Variants in ITGA1 observed in about 807,000 individuals in gnomAD.
ITGA1 encodes integrin alpha-1.
ITGA1 carries 85 observed loss-of-function variants against 145.9 expected under a neutral mutation model. That is an observed-to-expected ratio of 0.58 (90% CI 0.49 to 0.70). The LOEUF is 0.70. Ranked by LOEUF, ITGA1 falls within the 30% of genes least tolerant of loss-of-function variation. ITGA1 has a pLI of 0.00. For missense variants in ITGA1, 1,351 were observed against 1,418.7 expected (o/e 0.95, Z 0.77); for synonymous variants, 520 against 495.3 (o/e 1.05, Z -0.66).
At chr5:52,874,495 G>T (rs551671248) in intron 6 of ITGA1, among the ~76,000 whole-genome samples, 1 of 152,064 alleles carries the variant, frequency 6.6e-6, no homozygotes, top group South Asian at 2.1e-4. Flanking sequence ...TAAGATAGTT[G>T]TTAAAATCTT....
chr5:52,910,963 A>G (rs554556709), intron 14 of ITGA1, among the ~76,000 whole-genome samples: 4 of 131,398 alleles, frequency 3.0e-5, no homozygotes, highest in African/African-American at 5.7e-5. Context: ...TATATACACT[A>G]TATATACTAT....
At chr5:52,795,048 T>C (rs1748314603) in intron 1 of ITGA1, among the ~76,000 whole-genome samples, 2 of 152,056 alleles carry the variant, frequency 1.3e-5, no homozygotes, top group South Asian at 4.1e-4. Flanking sequence ...ACCTTCTTTT[T>C]AAGTTTTTAG....
At chr5:52,814,740 G>C (rs577977140) in intron 1 of ITGA1, among the ~76,000 whole-genome samples, 2 of 151,798 alleles carry the variant, frequency 1.3e-5, no homozygotes, top group African/African-American at 4.8e-5. Flanking sequence ...AAAAAAAAAG[G>C]GGGGGAAAGA....
At chr5:52,915,999 C>A (rs1460862441) in intron 15 of ITGA1, among the ~76,000 whole-genome samples, 1 of 152,168 alleles carries the variant, frequency 6.6e-6, no homozygotes, top group African/African-American at 2.4e-5. Flanking sequence ...GCGTAGCACT[C>A]TCTGACTCTG....
At chr5:52,901,086 T>C (rs992264985) in intron 11 of ITGA1, among the ~76,000 whole-genome samples, 19 of 152,182 alleles carry the variant, frequency 1.2e-4, no homozygotes, top group African/African-American at 4.6e-4. Flanking sequence ...TATCCTCAGA[T>C]ATCTGGCTGG....
intron 6 of ITGA1, among the ~76,000 whole-genome samples, chr5:52,869,126 T>A (rs1749735992): frequency 6.6e-6 from 1 of 152,200 alleles, no homozygotes; most frequent in South Asian, 2.1e-4. Flanking sequence ...GCTATAAGCC[T>A]GCATTATATA....
chr5:52,857,959 C>A (rs1416935642), intron 2 of ITGA1, among the ~76,000 whole-genome samples: 2 of 152,150 alleles, frequency 1.3e-5, no homozygotes, highest in South Asian at 2.1e-4. Context: ...AAAAAACTTA[C>A]CTGAACCAAA....
chr5:52,808,676 C>CTTTTTTTTTTTTTTTTTTTTTT (rs60113844), intron 1 of ITGA1, among the ~76,000 whole-genome samples: 12 of 69,334 alleles, frequency 1.7e-4, no homozygotes, highest in South Asian at 5.4e-4. Flanking sequence ...TTCTTTCTTT[C>CTTTTTTTTTTTTTTTTTTTTTT]TTTTTTTTTT....
At chr5:52,944,126 A>T (rs1180326189) in intron 26 of ITGA1, among the ~76,000 whole-genome samples, 1 of 151,976 alleles carries the variant, frequency 6.6e-6, no homozygotes, top group Non-Finnish European at 1.5e-5. Context: ...TCTGAAGGAG[A>T]TGGGGAGTCC....
intron 6 of ITGA1, among the ~76,000 whole-genome samples, chr5:52,880,922 A>C (rs745314276): frequency 1.3e-5 from 2 of 152,198 alleles, no homozygotes; most frequent in Non-Finnish European, 2.9e-5. Flanking sequence ...TGTAGGAGAG[A>C]TAGCCATTAC....
chr5:52,926,473 A>G (rs2447873), intron 19 of ITGA1, among the ~76,000 whole-genome samples: 110,610 of 151,652 alleles, frequency 0.73, 40,805 homozygotes, highest in African/African-American at 0.8. Context: ...ATGGTGGCAC[A>G]CACCTGTAGT....
At chr5:52,789,277 T>C (rs1248926144) in intron 1 of ITGA1, among the ~76,000 whole-genome samples, 1 of 152,136 alleles carries the variant, frequency 6.6e-6, no homozygotes, top group Non-Finnish European at 1.5e-5. Flanking sequence ...AGTGTATCGA[T>C]AGAATCTCTG....
chr5:52,845,228 A>G (rs921338239), intron 1 of ITGA1, among the ~76,000 whole-genome samples: 8 of 152,202 alleles, frequency 5.3e-5, no homozygotes, highest in Non-Finnish European at 8.8e-5. Flanking sequence ...AGATGATGAC[A>G]TGCTAGAAAA....
intron 8 of ITGA1, among the ~76,000 whole-genome samples, chr5:52,888,569 T>G (rs907907986): frequency 9.2e-5 from 14 of 152,264 alleles, no homozygotes; most frequent in Non-Finnish European, 1.0e-4. Context: ...ATTGAATTTT[T>G]GTTTTCTGAT....
Position 52,801,041 on chromosome 5 carries a change from A to T in ITGA1, c.61+12627A>T, listed in dbSNP as rs1236645916. On this transcript the variant is annotated intron_variant, in intron 1 of 28. Coordinates refer to ENST00000282588, the MANE Select transcript of ITGA1 (RefSeq NM_181501.2). ...GCCAGCCCAGGATTTGTGAGGGAGC[A>T]GTTCTGCGACTACCTGTTTCAACAA... The T allele has an allele frequency of 6.2e-6, 10 of 1,613,986 alleles. No individual in the cohort carries two copies. In the South Asian group the frequency reaches 1.1e-4, roughly 18 times the overall value.
At position 52,905,584 on chromosome 5, in the gene ITGA1, TAGAG is replaced by T. The variant is rs1315711275; in HGVS notation, c.1310-176_1310-173del. 58 of 444,370 alleles carry T rather than the reference TAGAG, an allele frequency of 1.3e-4. 1 individual carries two copies. Among genetic ancestry groups the T allele is most frequent in the Admixed American group, 4.6e-4 (12 of 26,112 alleles). The allele number at this position is 444,370 out of a possible 1,614,324, so 27.5% of individuals were successfully genotyped here. A position where few individuals can be genotyped will look rare whatever the true frequency, so the allele number is the denominator to read the frequency against. On this transcript the variant is annotated intron_variant, in intron 11 of 28. Coordinates refer to ENST00000282588, the MANE Select transcript of ITGA1 (RefSeq NM_181501.2). ...CTCAGGAGAAAGCAGTTGTGGTAGA[TAGAG>T]AGCATATTAAAAGCTTCCACCAAAA...
At chr5:52,927,859 T>C (rs542992745) in intron 20 of ITGA1, among the ~76,000 whole-genome samples, 195 bp downstream of exon 20, 1 of 152,274 alleles carries the variant, frequency 6.6e-6, no homozygotes, top group East Asian at 1.9e-4. Context: ...TAATACTTAA[T>C]CCCCAATGTG....
At chr5:52,801,438 C>T in intron 1 of ITGA1, 1 of 1,613,920 alleles carries the variant, frequency 6.2e-7, no homozygotes, top group South Asian at 1.1e-5. Context: ...ACAAGTACTC[C>T]CTGAAAGAGG....
intron 2 of ITGA1, among the ~76,000 whole-genome samples, chr5:52,850,620 T>G (rs1342607205): frequency 6.6e-6 from 1 of 152,202 alleles, no homozygotes; most frequent in Non-Finnish European, 1.5e-5. Flanking sequence ...ACTTGGTTAA[T>G]TTGATAATAA....
Sources: gnomAD v4.1 joint callset for allele counts (sites outside exome capture counted in the v4.1 genomes callset) on GRCh38, gnomAD v4.1.1 for gene constraint, MANE v1.5 for transcripts, NCBI Gene and HGNC (gene_info 2026-07-23, HGNC 2026-07-21) for gene names.